Variants in ADAMTSL1 observed in about 807,000 individuals in gnomAD.
The protein encoded by ADAMTSL1 is ADAMTS-like protein 1.
In ADAMTSL1, 126 loss-of-function variants were observed where a neutral mutation model predicts 201.8. The observed-to-expected ratio is 0.62, with a 90% CI of 0.54 to 0.72. The LOEUF (loss-of-function observed/expected upper bound fraction) is 0.72. ADAMTSL1 is among the 30% of genes least tolerant of loss of function. ADAMTSL1 has a pLI of 0.00. For synonymous variants in ADAMTSL1, 1,121 were observed against 903.4 expected (o/e 1.24, Z -4.32); for missense variants, 2,679 against 2,277.8 (o/e 1.18, Z -3.59).
chr9:18,238,130 C>T (rs1379324989), intron 2 of ADAMTSL1, among the ~76,000 whole-genome samples: 1 of 152,178 alleles, frequency 6.6e-6, no homozygotes, highest in African/African-American at 2.4e-5. Context: ...GAGATGTTGA[C>T]TGTTGCCTTT....
chr9:18,567,174 T>G lies in ADAMTSL1; in HGVS notation c.238-6856T>G, dbSNP rs527599698. 3.3e-4 allele frequency among the ~76,000 whole-genome samples: 50 copies of G among 152,256 alleles called. 1 individual carries two copies. In the South Asian group the frequency reaches 9.3e-3, roughly 28 times the overall value. The stretch of plus-strand genomic sequence containing the variant: ...AGTTTGAAAACCACTGCTTTAAAGT[T>G]TTTGACTAGGCTGGGCAAGGTGGCT... On this transcript the variant is annotated intron_variant, in intron 3 of 28. Coordinates refer to ENST00000380548, the MANE Select transcript of ADAMTSL1 (RefSeq NM_001040272.6).
chr9:18,202,615 C>T (rs1829495909), intron 2 of ADAMTSL1, among the ~76,000 whole-genome samples: 1 of 152,230 alleles, frequency 6.6e-6, no homozygotes, highest in South Asian at 2.1e-4. Flanking sequence ...GTGAAGGCTT[C>T]TCTGACTTCC....
intron 2 of ADAMTSL1, among the ~76,000 whole-genome samples, chr9:18,401,804 C>T (rs1052332405): frequency 2.0e-5 from 3 of 152,094 alleles, no homozygotes; most frequent in South Asian, 2.1e-4. Context: ...GGAAGCTGTT[C>T]GCGTGATCTC....
chr9:18,575,792 G>T lies in ADAMTSL1; in HGVS notation c.474+1526G>T, dbSNP rs79877934. Among the ~76,000 whole-genome samples, 63 of 152,200 alleles carry T rather than the reference G, an allele frequency of 4.1e-4. No homozygotes were observed. The East Asian group carries it at 8.7e-3, about 21-fold the overall frequency. On this transcript the variant is annotated intron_variant, in intron 4 of 28. Transcript: ENST00000380548. The stretch of plus-strand genomic sequence containing the variant: ...TGTATGTTTGGTCATGCCAGAAATG[G>T]GACTAAATTCCACATCTCCTGAGAT...
Position 18,269,534 on chromosome 9 carries a change from A to G in ADAMTSL1, c.207+105553A>G, listed in dbSNP as rs192951377. Among the ~76,000 whole-genome samples, 11 of 152,276 alleles carry G rather than the reference A, an allele frequency of 7.2e-5. No homozygotes were observed. In the East Asian group the frequency reaches 2.1e-3, roughly 29 times the overall value. ...ATAATGGTTTTCTAAGAACAGATAG[A>G]TGTGGTCTCATTATTAATAAATTTG... On this transcript the variant is annotated intron_variant, in intron 2 of 29. Transcript: ENST00000680146.
chr9:18,390,328 C>G (rs1409683773), intron 2 of ADAMTSL1, among the ~76,000 whole-genome samples: 1 of 152,202 alleles, frequency 6.6e-6, no homozygotes, highest in African/African-American at 2.4e-5. Context: ...GCATGCTAAT[C>G]TTAACAACTA....
At chr9:18,158,706 C>T (rs566326987) in intron 1 of ADAMTSL1, among the ~76,000 whole-genome samples, 11 of 152,072 alleles carry the variant, frequency 7.2e-5, no homozygotes, top group African/African-American at 2.6e-4. Context: ...GGTACAATTT[C>T]ATTTGGGAGT....
chr9:18,338,994 G>T (rs948127001), intron 2 of ADAMTSL1, among the ~76,000 whole-genome samples: 1 of 152,000 alleles, frequency 6.6e-6, no homozygotes, highest in Non-Finnish European at 1.5e-5. Flanking sequence ...TTGTCTATAC[G>T]TACCACCTTT....
chr9:17,916,525 G>A (rs1187979346), intron 1 of ADAMTSL1, among the ~76,000 whole-genome samples: 1 of 152,002 alleles, frequency 6.6e-6, no homozygotes, highest in East Asian at 1.9e-4. Context: ...TTCGTTTTTT[G>A]GCCTATGGAT....
chr9:17,937,159 G>GT (rs1827042037), intron 1 of ADAMTSL1, among the ~76,000 whole-genome samples: 3 of 152,158 alleles, frequency 2.0e-5, no homozygotes, highest in Non-Finnish European at 2.9e-5. Context: ...ACAATAAGCT[G>GT]TTTTTTGAAA....
At chr9:18,114,313 C>A (rs965974624) in intron 1 of ADAMTSL1, among the ~76,000 whole-genome samples, 1 of 152,118 alleles carries the variant, frequency 6.6e-6, no homozygotes, top group Non-Finnish European at 1.5e-5. Flanking sequence ...CTATGCAAAC[C>A]AAACAGCTTA....
intron 15 of ADAMTSL1, among the ~76,000 whole-genome samples, chr9:18,733,384 A>G (rs1818322669): frequency 6.6e-6 from 1 of 152,208 alleles, no homozygotes; most frequent in Non-Finnish European, 1.5e-5. Flanking sequence ...GCAGAGCCCA[A>G]CACATAGGAA....
chr9:18,412,487 C>T (rs1587118019), intron 2 of ADAMTSL1, among the ~76,000 whole-genome samples: 1 of 152,276 alleles, frequency 6.6e-6, no homozygotes, highest in African/African-American at 2.4e-5. Context: ...CATAAAAGAA[C>T]ATTTCCTTGT....
intron 2 of ADAMTSL1, among the ~76,000 whole-genome samples, chr9:18,289,936 T>G (rs558359657): frequency 6.6e-6 from 1 of 151,974 alleles, no homozygotes; most frequent in South Asian, 2.1e-4. Flanking sequence ...AAATACTGAG[T>G]TTTTTTTACC....
intron 20 of ADAMTSL1, among the ~76,000 whole-genome samples, chr9:18,800,005 A>C (rs1822681936): frequency 6.6e-6 from 1 of 152,170 alleles, no homozygotes; most frequent in African/African-American, 2.4e-5. Flanking sequence ...TTTGCTTCAT[A>C]AAGAGTTAGG....
At chr9:18,106,283 C>G (rs1351773163) in intron 1 of ADAMTSL1, among the ~76,000 whole-genome samples, 3 of 152,182 alleles carry the variant, frequency 2.0e-5, no homozygotes, top group Admixed American at 2.0e-4. Flanking sequence ...TTTCCAGATA[C>G]AATGCTAAAC....
chr9:18,854,004 TG>T (rs972961426), intron 23 of ADAMTSL1, among the ~76,000 whole-genome samples: 4 of 151,360 alleles, frequency 2.6e-5, no homozygotes, highest in Admixed American at 6.6e-5. Flanking sequence ...CTGTTGGAGG[TG>T]GGGGGGTTGT....
intron 1 of ADAMTSL1, among the ~76,000 whole-genome samples, chr9:18,144,260 G>T (rs998950192): frequency 1.3e-5 from 2 of 151,790 alleles, no homozygotes; most frequent in African/African-American, 4.8e-5. Context: ...AGGCTGGAGT[G>T]CAGTGGCGCG....
At chr9:18,471,510 C>T (rs1187602311), upstream of ADAMTSL1, among the ~76,000 whole-genome samples, 4 of 152,310 alleles carry the variant, frequency 2.6e-5, no homozygotes, top group African/African-American at 9.6e-5. Context: ...ATGGCATGTA[C>T]ATTTTGGCCA....
Sources: gnomAD v4.1 joint callset for allele counts (sites outside exome capture counted in the v4.1 genomes callset) on GRCh38, gnomAD v4.1.1 for gene constraint, MANE v1.5 for transcripts, NCBI Gene and HGNC (gene_info 2026-07-23, HGNC 2026-07-21) for gene names.